The following OSMR variants were observed in gnomAD, a reference collection of about 807,000 sequenced individuals.
The protein encoded by OSMR is oncostatin-M-specific receptor subunit beta.
A neutral mutation model predicts 99.9 loss-of-function variants in OSMR; 81 were observed. The observed-to-expected ratio is 0.81, with a 90% confidence interval of 0.68 to 0.97. The LOEUF is 0.97. OSMR is among the 50% of genes least tolerant of loss of function. The pLI is 0.00. For missense variants in OSMR, 1,099 were observed against 1,153.4 expected (o/e 0.95, Z 0.68); for synonymous variants, 406 against 410.4 (o/e 0.99, Z 0.13).
chr5:38,883,783 A>T, intron 4 of OSMR, 44 bp from the exon 5 acceptor site: 1 of 1,611,666 alleles, frequency 6.2e-7, no homozygotes, highest in Non-Finnish European at 8.5e-7. Flanking sequence ...AAGAGGCTTG[A>T]ATTTTGAGTG....
rs1017123836 is a variant in OSMR at position 38,933,781 on chromosome 5, T to C, written c.*337T>C. ...CCCACTCAGTACTGTACAGGGTGGC[T>C]GTGGTCCTAGAAGTTCAGTTTTTAC... On this transcript the variant is annotated 3_prime_UTR_variant, in exon 18 of 18. Coordinates refer to ENST00000274276, the MANE Select transcript of OSMR (RefSeq NM_003999.3). 8.7e-5 allele frequency: 23 copies of C among 264,266 alleles called. No individual in the cohort carries two copies. Among genetic ancestry groups the C allele is most frequent in the Non-Finnish European group, 2.2e-5 (3 of 137,734 alleles). The allele number at this position is 264,266 out of a possible 1,614,324, so 16.4% of individuals were successfully genotyped here.
At chr5:38,943,071 AT>A (rs1747766573) in intron 1 of OSMR, 16 of 725,572 alleles carry the variant, frequency 2.2e-5, no homozygotes, top group Non-Finnish European at 3.7e-5. Context: ...CCCTACAGAT[AT>A]GGATTAGATG....
intron 1 of OSMR, among the ~76,000 whole-genome samples, chr5:38,857,181 T>C (rs78523078): frequency 0.02 from 2,986 of 152,298 alleles, 107 homozygotes; most frequent in African/African-American, 0.068. Context: ...ACATCAAAAT[T>C]TTAGAAACAT....
chr5:38,879,024 C>A (rs1429947660), intron 3 of OSMR, among the ~76,000 whole-genome samples: 1 of 152,186 alleles, frequency 6.6e-6, no homozygotes, highest in Non-Finnish European at 1.5e-5. Flanking sequence ...TGAACACACG[C>A]ATAGGGTATT....
Position 38,919,064 on chromosome 5 carries a change from T to A in OSMR, c.1585+2T>A. ...TCATCTCTGCAGACCCCGAAAACAG[T>A]GAGTTTGTTTTCATTTTCTTTTGTT... On this transcript the variant is annotated splice_donor_variant, in intron 11 of 17. Transcript: ENST00000274276. LOFTEE classifies it high-confidence loss of function. 1 of 1,613,600 alleles carries A rather than the reference T, an allele frequency of 6.2e-7. No individual in the cohort carries two copies. Among genetic ancestry groups the A allele is most frequent in the Non-Finnish European group, 8.5e-7 (1 of 1,179,530 alleles).
chr5:38,886,082 A>G lies in OSMR; in HGVS notation c.883A>G (p.Asn295Asp). The G allele has an allele frequency of 6.2e-7, 1 of 1,613,646 alleles. No homozygotes were observed. Among genetic ancestry groups the G allele is most frequent in the Non-Finnish European group, 8.5e-7 (1 of 1,179,884 alleles). ...KKLCTHKNWC[N>D]WQITQDSQET... ...ACTTTGTACACACAAAAACTGGTGT[A>G]ATTGGCAAATAACTCAAGACTCACA... Residue 295 changes from asparagine to aspartate, a missense_variant, in exon 7 of 18, where the codon AAT becomes GAT. Asn to Asp is a conservative substitution (Grantham distance 23). Coordinates refer to ENST00000274276, the MANE Select transcript of OSMR (RefSeq NM_003999.3).
rs1196190349 is a variant in OSMR, at chr5:38,927,837, G to T, written c.2212+2466G>T. On this transcript the variant is annotated intron_variant, in intron 15 of 17. Transcript: ENST00000274276. ...TTTTTCTTTAGTATTGCATGATCAG[G>T]TTGCAAATTTTCTAAACTTTTTTGC... Among the ~76,000 whole-genome samples the T allele has an allele frequency of 1.3e-5, 2 of 152,120 alleles. 1 individual carries two copies. The highest frequency in any genetic ancestry group is 2.9e-5 in the Non-Finnish European group (2 of 68,022).
chr5:38,853,385 G>C (rs1435272340), intron 1 of OSMR, among the ~76,000 whole-genome samples: 1 of 152,124 alleles, frequency 6.6e-6, no homozygotes, highest in Admixed American at 6.5e-5. Context: ...TCCTTCTACA[G>C]AAAAGGACAT....
At chr5:38,904,210 T>A (rs1244669822) in intron 8 of OSMR, 143 bp from the exon 9 acceptor site, 1 of 1,526,538 alleles carries the variant, frequency 6.6e-7, no homozygotes. Flanking sequence ...CTTGAAGATT[T>A]TTTTCCCCCC....
intron 1 of OSMR, among the ~76,000 whole-genome samples, chr5:38,850,641 C>A (rs1012541233): frequency 9.9e-5 from 15 of 152,074 alleles, no homozygotes; most frequent in African/African-American, 3.6e-4. Context: ...AAATGTAAGA[C>A]ATAAAGAACA....
intron 7 of OSMR, among the ~76,000 whole-genome samples, chr5:38,886,958 A>G (rs1407087211): frequency 6.6e-6 from 1 of 152,188 alleles, no homozygotes; most frequent in Non-Finnish European, 1.5e-5. Flanking sequence ...CTGTAGATTC[A>G]TATATTCTTA....
At chr5:38,922,998 A>G in intron 12 of OSMR, 152 bp from the exon 13 acceptor site, 1 of 771,056 alleles carries the variant, frequency 1.3e-6, no homozygotes, top group Non-Finnish European at 2.1e-6. Context: ...CTGGTCTCCA[A>G]CTCCTGGCCT....
chr5:38,920,789 G>T (rs1579795410), intron 11 of OSMR, among the ~76,000 whole-genome samples: 1 of 152,174 alleles, frequency 6.6e-6, no homozygotes, highest in Non-Finnish European at 1.5e-5. Flanking sequence ...ATGCCTCAAG[G>T]TTAAGGTATA....
At chr5:38,912,949 T>C (rs1745680884) in intron 9 of OSMR, among the ~76,000 whole-genome samples, 1 of 152,172 alleles carries the variant, frequency 6.6e-6, no homozygotes, top group South Asian at 2.1e-4. Flanking sequence ...CAGATTTAAA[T>C]GTAAGACCTC....
intron 9 of OSMR, among the ~76,000 whole-genome samples, chr5:38,904,711 CT>C (rs1261034766): frequency 1.3e-5 from 2 of 152,172 alleles, no homozygotes; most frequent in Non-Finnish European, 2.9e-5. Context: ...TTTATTTATA[CT>C]GCCTATCTTC....
intron 7 of OSMR, among the ~76,000 whole-genome samples, chr5:38,893,811 C>T (rs1383586902): frequency 6.6e-6 from 1 of 152,124 alleles, no homozygotes; most frequent in East Asian, 1.9e-4. Flanking sequence ...CACCCAGATA[C>T]AAGAAATCCA....
At chr5:38,854,169 A>G (rs558348434) in intron 1 of OSMR, among the ~76,000 whole-genome samples, 1 of 152,286 alleles carries the variant, frequency 6.6e-6, no homozygotes, top group African/African-American at 2.4e-5. Context: ...GACCTCCAAG[A>G]AAGGGCTTCT....
At chr5:38,854,935 G>A (rs897890267) in intron 1 of OSMR, among the ~76,000 whole-genome samples, 1 of 152,262 alleles carries the variant, frequency 6.6e-6, no homozygotes, top group African/African-American at 2.4e-5. Flanking sequence ...GAAGTTGGAA[G>A]TAGCAGTGCT....
chr5:38,939,309 T>C (rs79387446), downstream of OSMR: 154 of 232,448 alleles, frequency 6.6e-4, no homozygotes, highest in African/African-American at 3.2e-3. Context: ...TGAAACCCAT[T>C]AAAGTTGTCA....
Sources: allele counts gnomAD v4.1 joint callset (sites outside exome capture counted in the v4.1 genomes callset), GRCh38; gene constraint gnomAD v4.1.1; transcripts MANE v1.5; gene names NCBI Gene and HGNC (gene_info 2026-07-23, HGNC 2026-07-21).